POFUT1: variants seen among roughly 807,000 people sequenced by gnomAD.
POFUT1 encodes GDP-fucose protein O-fucosyltransferase 1.
In POFUT1, 16 loss-of-function variants were observed where a neutral mutation model predicts 42.4. That is an observed-to-expected ratio of 0.38 (90% CI 0.26 to 0.57). The LOEUF (loss-of-function observed/expected upper bound fraction) is 0.57, where lower values mean the gene tolerates loss of function less well. POFUT1 is among the 20% of genes least tolerant of loss of function. POFUT1 has a pLI of 0.71. For synonymous variants in POFUT1, 206 were observed against 205.4 expected (o/e 1.00, Z -0.03); for missense variants, 470 against 504.6 (o/e 0.93, Z 0.66).
In POFUT1 at chr20:32,235,250, G is replaced by A. The variant is rs550298820; in HGVS notation, c.*589G>A. 6.5e-6 allele frequency: 1 copy of A among 153,346 alleles called. No homozygotes were observed. Among genetic ancestry groups the A allele is most frequent in the Non-Finnish European group, 1.5e-5 (1 of 68,604 alleles). 9.5% of individuals were successfully genotyped at this position (153,346 alleles called of 1,614,324 possible). On this transcript the variant is annotated 3_prime_UTR_variant, in exon 7 of 7. Coordinates refer to ENST00000375749, the MANE Select transcript of POFUT1 (RefSeq NM_015352.2). ...CTTCCTAGGCCATTTCTGGGGCTTG[G>A]GGGATGAATGCTGTCCTGTGCTGTA...
chr20:32,210,431 G>A (rs530436236), intron 2 of POFUT1, among the ~76,000 whole-genome samples: 1 of 152,278 alleles, frequency 6.6e-6, no homozygotes, highest in South Asian at 2.1e-4. Context: ...AGGAAACCGG[G>A]GTTTACAGAG....
Position 32,230,937 on chromosome 20 carries a change from C to G in POFUT1, c.854C>G (p.Pro285Arg), listed in dbSNP as rs768296195. 10 of 1,614,110 alleles carry G rather than the reference C, an allele frequency of 6.2e-6. No homozygotes were observed. Among genetic ancestry groups the G allele is most frequent in the Non-Finnish European group, 8.5e-6 (10 of 1,180,046 alleles). The change falls in exon 6 of 7, where the codon CCT (proline) becomes CGT (arginine). Residue 285 changes from proline to arginine, a missense_variant. Pro to Arg is a moderately radical substitution (Grantham distance 103). Coordinates refer to ENST00000375749, the MANE Select transcript of POFUT1 (RefSeq NM_015352.2). The stretch of plus-strand genomic sequence containing the variant: ...CCCCTCACGATGACTATGTGCCTGC[C>G]TGACCTGAAGGAGATCCAGAGGGCT... ...AAPLTMTMCL[P>R]DLKEIQRAVK...
rs536672282 is a variant in POFUT1, at chr20:32,216,552, A to T, written c.430-57A>T. On this transcript the variant is annotated intron_variant, in intron 3 of 6. Transcript: ENST00000375749. Reference sequence around the variant, plus strand: ...CCCCCACCTACACTTCCCTGGCCCCATCCCCAAATGGCTTTCCCTCCCCAT... The same window carrying T: ...CCCCCACCTACACTTCCCTGGCCCCTTCCCCAAATGGCTTTCCCTCCCCAT... 2.9e-5 allele frequency: 31 copies of T among 1,064,388 alleles called. No homozygotes were observed. In the African/African-American group the frequency reaches 4.3e-4, roughly 15 times the overall value. 65.9% of individuals were successfully genotyped at this position (1,064,388 alleles called of 1,614,324 possible). A position where few individuals can be genotyped will look rare whatever the true frequency, so the allele number is the denominator to read the frequency against.
chr20:32,232,948 T>C (rs1002603836), intron 6 of POFUT1, among the ~76,000 whole-genome samples: 2 of 152,182 alleles, frequency 1.3e-5, no homozygotes, highest in African/African-American at 4.8e-5. Context: ...GGTCCCGCTC[T>C]CCAGGGCTCA....
intron 5 of POFUT1, among the ~76,000 whole-genome samples, chr20:32,229,429 TATG>T (rs1416496345): frequency 6.6e-6 from 1 of 152,154 alleles, no homozygotes; most frequent in Non-Finnish European, 1.5e-5. Flanking sequence ...AGAAAAATCA[TATG>T]ATCATCTCAA....
At chr20:32,216,492 G>C in intron 3 of POFUT1, 117 bp from the exon 4 acceptor site, 1 of 670,682 alleles carries the variant, frequency 1.5e-6, no homozygotes, top group Admixed American at 2.4e-5. Context: ...GCCATCCTGT[G>C]AGAGTGTTTT....
intron 1 of POFUT1, 109 bp downstream of exon 1, chr20:32,208,174 C>T: frequency 1.8e-6 from 2 of 1,129,026 alleles, no homozygotes; most frequent in South Asian, 1.4e-5. Context: ...GAGAGAACCT[C>T]AGAGCGGGAC....
At chr20:32,223,462 C>A in intron 4 of POFUT1, 5 of 985,388 alleles carry the variant, frequency 5.1e-6, no homozygotes, top group Non-Finnish European at 6.0e-6. Context: ...CTGGAATTCA[C>A]CGAAGGTTGG....
intron 4 of POFUT1, chr20:32,217,846 C>G (rs1005822000): frequency 3.3e-6 from 2 of 608,708 alleles, no homozygotes; most frequent in Admixed American, 6.3e-5. Context: ...TAAATAACTT[C>G]CCAAGGTCAT....
chr20:32,222,250 C>T (rs774722334), intron 4 of POFUT1, among the ~76,000 whole-genome samples: 7 of 152,164 alleles, frequency 4.6e-5, no homozygotes, highest in East Asian at 1.9e-4. Context: ...TTGCAGTGAG[C>T]GGAGATCCTG....
intron 4 of POFUT1, among the ~76,000 whole-genome samples, chr20:32,219,596 A>G (rs2047380527): frequency 6.8e-6 from 1 of 146,110 alleles, no homozygotes; most frequent in South Asian, 2.1e-4. Context: ...TCCCGGGTTC[A>G]TGCCATTCTC....
rs142484235 is a variant in POFUT1, at chr20:32,210,173, A to G, written c.227A>G (p.His76Arg). The change falls in exon 2 of 7, where the codon CAC (histidine) becomes CGC (arginine). Residue 76 changes from histidine (H) to arginine (R), a missense_variant. Coordinates refer to ENST00000375749, the MANE Select transcript of POFUT1 (RefSeq NM_015352.2). ...AVPPWIEYQH[H>R]KPPFTNLHVS... is the part of the protein sequence containing the mutation. ...CCTCCTTGGATTGAGTACCAGCATC[A>G]CAAGCCTCCTTTCACCAACGTGAGT... 34 of 1,614,008 alleles carry G rather than the reference A, an allele frequency of 2.1e-5. No individual in the cohort carries two copies. In the African/African-American group the frequency reaches 3.9e-4, roughly 18 times the overall value.
chr20:32,234,680 A>G lies in POFUT1; in HGVS notation c.*19A>G. 6.3e-7 allele frequency: 1 copy of G among 1,584,630 alleles called. No homozygotes were observed. The highest frequency in any genetic ancestry group is 2.2e-5 in the East Asian group (1 of 44,486). On this transcript the variant is annotated 3_prime_UTR_variant, in exon 7 of 7. Coordinates refer to ENST00000375749, the MANE Select transcript of POFUT1 (RefSeq NM_015352.2). ...GTTCTGATTCTGGCCGGAGCACCAG[A>G]CCCTCTGATCCTGGAGGGACCAGAG...
rs1228485913 is a variant in POFUT1 at position 32,231,025 on chromosome 20, T to C, written c.942T>C (p.Ser314=). The C allele has an allele frequency of 6.2e-7, 1 of 1,613,932 alleles. No homozygotes were observed. Among genetic ancestry groups the C allele is most frequent in the African/African-American group, 1.3e-5 (1 of 74,944 alleles). ...QSVYVATDSE[S]YVPELQQLFK... is the part of the protein sequence containing the mutation. ...TCTACGTTGCTACTGATTCCGAGAG[T>C]TATGTGCCTGAGCTCCAACAGCTCT... The change falls in exon 6 of 7, where the codon AGT becomes AGC. Residue 314 remains serine, a synonymous_variant. Transcript: ENST00000375749.
At chr20:32,212,049 G>A (rs757004903) in intron 2 of POFUT1, among the ~76,000 whole-genome samples, 3 of 152,122 alleles carry the variant, frequency 2.0e-5, no homozygotes, top group Non-Finnish European at 2.9e-5. Flanking sequence ...ACCTGGAGAT[G>A]GTTATATTCC....
intron 4 of POFUT1, chr20:32,217,802 A>G: frequency 1.1e-6 from 1 of 938,726 alleles, no homozygotes; most frequent in Non-Finnish European, 1.3e-6. Context: ...ATCAATTTCC[A>G]TTTTATAGGT....
rs539685699 is a variant in POFUT1, at chr20:32,212,779, G to A, written c.247-2490G>A. On this transcript the variant is annotated intron_variant, in intron 2 of 6. Transcript: ENST00000375749. ...GTATTTTTAGTAAAGACGAGGTTTC[G>A]CCATGTTGGCCAGGTTGGTCTCGAA... Among the ~76,000 whole-genome samples, 16 of 152,128 alleles carry A rather than the reference G, an allele frequency of 1.1e-4. No homozygotes were observed. The South Asian group carries it at 2.5e-3, about 24-fold the overall frequency.
chr20:32,215,951 T>G (rs1487331823), intron 3 of POFUT1, among the ~76,000 whole-genome samples: 1 of 152,168 alleles, frequency 6.6e-6, no homozygotes, highest in East Asian at 1.9e-4. Context: ...AAACAAGTGG[T>G]AGAGCTGGGA....
At chr20:32,208,714 C>T (rs973182605) in intron 1 of POFUT1, among the ~76,000 whole-genome samples, 4 of 146,182 alleles carry the variant, frequency 2.7e-5, no homozygotes, top group African/African-American at 1.0e-4. Flanking sequence ...TGGGAGTTAT[C>T]TGGGCGGCTA....
Sources: allele counts gnomAD v4.1 joint callset (sites outside exome capture counted in the v4.1 genomes callset), GRCh38; gene constraint gnomAD v4.1.1; transcripts MANE v1.5; gene names NCBI Gene and HGNC (gene_info 2026-07-23, HGNC 2026-07-21).